Variants in RORB observed in about 807,000 individuals in gnomAD.
The protein encoded by RORB is nuclear receptor ROR-beta.
A neutral mutation model predicts 59.1 loss-of-function variants in RORB; 6 were observed. The observed-to-expected ratio is 0.10, with a 90% CI of 0.06 to 0.20. The LOEUF is 0.20. RORB is among the 10% of genes least tolerant of loss of function. The pLI is 1.00. For missense variants in RORB, 320 were observed against 560.5 expected (o/e 0.57, Z 4.33); for synonymous variants, 215 against 204.5 (o/e 1.05, Z -0.44).
At chr9:74,547,040 G>A (rs1267864990) in intron 1 of RORB, among the ~76,000 whole-genome samples, 2 of 152,156 alleles carry the variant, frequency 1.3e-5, no homozygotes, top group Non-Finnish European at 2.9e-5. Flanking sequence ...GCTGCAGTGA[G>A]CCGAGGTCAC....
At chr9:74,537,458 C>G (rs1021104026) in intron 1 of RORB, among the ~76,000 whole-genome samples, 1 of 151,878 alleles carries the variant, frequency 6.6e-6, no homozygotes, top group African/African-American at 2.4e-5. Context: ...GTTTCCCCCA[C>G]ATGAAATCCT....
intron 1 of RORB, among the ~76,000 whole-genome samples, chr9:74,600,785 C>T (rs528095932): frequency 2.0e-5 from 3 of 152,086 alleles, no homozygotes; most frequent in Admixed American, 6.6e-5. Flanking sequence ...GTATCCTTTA[C>T]CCAGTGAATA....
chr9:74,584,483 C>T (rs1374884404), intron 1 of RORB, among the ~76,000 whole-genome samples: 2 of 152,180 alleles, frequency 1.3e-5, no homozygotes, highest in Non-Finnish European at 2.9e-5. Flanking sequence ...AGCTTATAGT[C>T]AGTACTCATT....
At chr9:74,524,918 T>C (rs1019828677) in intron 1 of RORB, among the ~76,000 whole-genome samples, 4 of 151,800 alleles carry the variant, frequency 2.6e-5, no homozygotes, top group Non-Finnish European at 5.9e-5. Context: ...AATAATCTAA[T>C]AAGGAAAATC....
intron 1 of RORB, among the ~76,000 whole-genome samples, chr9:74,552,483 A>C (rs866209813): frequency 8.5e-5 from 13 of 152,174 alleles, no homozygotes; most frequent in Admixed American, 5.9e-4. Context: ...ACATCTTAAG[A>C]GTGTTATGAG....
At chr9:74,560,895 G>T (rs567228996) in intron 1 of RORB, among the ~76,000 whole-genome samples, 14 of 152,160 alleles carry the variant, frequency 9.2e-5, no homozygotes, top group African/African-American at 3.1e-4. Context: ...TATACTGTTT[G>T]CCTTCATTCT....
At chr9:74,507,861 G>A (rs943314047) in intron 1 of RORB, among the ~76,000 whole-genome samples, 1 of 151,996 alleles carries the variant, frequency 6.6e-6, no homozygotes, top group African/African-American at 2.4e-5. Context: ...AATTTTCACA[G>A]TTGTTGAGTA....
chr9:74,549,589 GAAGGAAGGAAGGAAGGAAGA>G (rs1563934543), intron 1 of RORB, among the ~76,000 whole-genome samples: 3,976 of 75,362 alleles, frequency 0.053, 416 homozygotes, highest in African/African-American at 0.12. Context: ...AGGAAGGAAG[GAAGGAAGGAAGGAAGGAAGA>G]AAGGAAGGAA....
chr9:74,622,573 C>T (rs1230853190), intron 1 of RORB, among the ~76,000 whole-genome samples: 2 of 129,182 alleles, frequency 1.5e-5, no homozygotes, highest in African/African-American at 5.9e-5. Context: ...GTCGCCCAGG[C>T]CGGAGTGCAG....
chr9:74,533,771 A>G (rs971517530), intron 1 of RORB, among the ~76,000 whole-genome samples: 1 of 152,012 alleles, frequency 6.6e-6, no homozygotes, highest in Non-Finnish European at 1.5e-5. Context: ...ATAAATGTCT[A>G]ATTCCTTTTT....
chr9:74,649,811 A>G (rs548129659), intron 4 of RORB, among the ~76,000 whole-genome samples: 1 of 152,360 alleles, frequency 6.6e-6, no homozygotes, highest in African/African-American at 2.4e-5. Flanking sequence ...CAGTCACTAC[A>G]GGCTTGTGCC....
chr9:74,530,874 A>C (rs998837753), intron 1 of RORB, among the ~76,000 whole-genome samples: 1 of 146,106 alleles, frequency 6.8e-6, no homozygotes, highest in Non-Finnish European at 1.5e-5. Context: ...CCTTCCCCCT[A>C]CCCCCTACCC....
intron 1 of RORB, among the ~76,000 whole-genome samples, chr9:74,589,997 C>G (rs955308826): frequency 3.3e-5 from 5 of 152,194 alleles, no homozygotes; most frequent in Non-Finnish European, 7.3e-5. Flanking sequence ...CCTGTGTGAC[C>G]TTGGGTAAGT....
At chr9:74,667,328 A>C (rs1452770526) in intron 7 of RORB, among the ~76,000 whole-genome samples, 1 of 152,230 alleles carries the variant, frequency 6.6e-6, no homozygotes. Context: ...GTCTCAGTTT[A>C]AAAGTCCAGA....
chr9:74,605,232 T>A (rs1823130461), intron 1 of RORB, among the ~76,000 whole-genome samples: 1 of 152,190 alleles, frequency 6.6e-6, no homozygotes, highest in African/African-American at 2.4e-5. Flanking sequence ...CTAATGTCTA[T>A]GATTAAAAGG....
chr9:74,664,713 A>G (rs957821763), intron 6 of RORB, among the ~76,000 whole-genome samples: 3 of 152,236 alleles, frequency 2.0e-5, no homozygotes, highest in Non-Finnish European at 2.9e-5. Context: ...CAAAGGAAAT[A>G]AAACAGAGAC....
rs200060170 is a variant in RORB, at chr9:74,630,390, G to A, written c.93+23G>A. The A allele has an allele frequency of 1.8e-5, 29 of 1,581,582 alleles. No individual in the cohort carries two copies. The East Asian group carries it at 3.4e-4, about 18-fold the overall frequency. ...AAGGTATGGGACTTTCATACAGCAC[G>A]GTTCTGTATTTGCCTCAGGCATCTG... On this transcript the variant is annotated intron_variant, in intron 2 of 9. Coordinates refer to ENST00000376896, the MANE Select transcript of RORB (RefSeq NM_006914.4).
At chr9:74,676,105 T>A (rs1563971833) in intron 9 of RORB, among the ~76,000 whole-genome samples, 1 of 152,180 alleles carries the variant, frequency 6.6e-6, no homozygotes, top group Non-Finnish European at 1.5e-5. Flanking sequence ...ATCTGTAGTG[T>A]CTTGCTCACA....
chr9:74,520,435 G>A (rs1826069196), intron 1 of RORB, among the ~76,000 whole-genome samples: 1 of 151,814 alleles, frequency 6.6e-6, no homozygotes, highest in South Asian at 2.1e-4. Context: ...TTCTGCATCG[G>A]CTAGGATCGT....
Sources: allele counts gnomAD v4.1 joint callset (sites outside exome capture counted in the v4.1 genomes callset), GRCh38; gene constraint gnomAD v4.1.1; transcripts MANE v1.5; gene names NCBI Gene and HGNC (gene_info 2026-07-23, HGNC 2026-07-21).